Variants in AFG1L observed in about 807,000 individuals in gnomAD.
AFG1L encodes the protein AFG1-like ATPase.
A neutral mutation model predicts 62.2 loss-of-function variants in AFG1L; 53 were observed. The observed-to-expected ratio is 0.85, with a 90% CI of 0.68 to 1.07. The LOEUF (loss-of-function observed/expected upper bound fraction) is 1.07, where lower values mean the gene tolerates loss of function less well. Ranked by LOEUF, AFG1L falls within the 50% of genes least tolerant of loss-of-function variation. AFG1L has a pLI of 0.00. For synonymous variants in AFG1L, 228 were observed against 210.3 expected (o/e 1.08, Z -0.73); for missense variants, 555 against 590.5 (o/e 0.94, Z 0.62).
At chr6:108,518,616 G>A (rs558462790) in intron 11 of AFG1L, among the ~76,000 whole-genome samples, 31 of 152,062 alleles carry the variant, frequency 2.0e-4, no homozygotes, top group Admixed American at 1.5e-3. Flanking sequence ...AAACCTGCAC[G>A]TTGTGCACAT....
chr6:108,402,263 G>A (rs1390047309), intron 7 of AFG1L, among the ~76,000 whole-genome samples: 4 of 151,996 alleles, frequency 2.6e-5, no homozygotes, highest in African/African-American at 9.7e-5. Flanking sequence ...AGGAGTTCAA[G>A]ACCAACCTGA....
chr6:108,489,391 G>A (rs1015653697), intron 10 of AFG1L, among the ~76,000 whole-genome samples: 1 of 152,236 alleles, frequency 6.6e-6, no homozygotes, highest in African/African-American at 2.4e-5. Context: ...GCATCATGGA[G>A]GAGACAGAGT....
At chr6:108,495,643 C>A (rs973625193) in intron 10 of AFG1L, among the ~76,000 whole-genome samples, 2 of 152,174 alleles carry the variant, frequency 1.3e-5, no homozygotes, top group Admixed American at 1.3e-4. Context: ...AGACAGCAAG[C>A]AAGCTCTTTA....
intron 7 of AFG1L, among the ~76,000 whole-genome samples, chr6:108,421,503 A>G (rs1770587319): frequency 1.3e-5 from 2 of 152,110 alleles, no homozygotes; most frequent in African/African-American, 4.8e-5. Flanking sequence ...TAAATTTTGA[A>G]GAAAAAAACC....
intron 10 of AFG1L, among the ~76,000 whole-genome samples, chr6:108,482,973 A>T (rs938589408): frequency 1.3e-5 from 2 of 152,036 alleles, no homozygotes; most frequent in African/African-American, 4.8e-5. Flanking sequence ...TTGAGTTTTC[A>T]TGTAGCATCA....
intron 1 of AFG1L, among the ~76,000 whole-genome samples, chr6:108,311,994 A>C (rs1336748735): frequency 6.6e-6 from 1 of 152,018 alleles, no homozygotes; most frequent in Non-Finnish European, 1.5e-5. Context: ...CCTCCCGAGT[A>C]GCTGGGATTA....
chr6:108,442,189 CT>C (rs554023221), intron 7 of AFG1L, among the ~76,000 whole-genome samples: 583 of 142,744 alleles, frequency 4.1e-3, no homozygotes, highest in African/African-American at 8.4e-3. Flanking sequence ...TTTCCTTCTT[CT>C]TTTTTTTTTT....
At chr6:108,456,708 A>G (rs1009771726) in intron 8 of AFG1L, among the ~76,000 whole-genome samples, 1 of 152,156 alleles carries the variant, frequency 6.6e-6, no homozygotes, top group Non-Finnish European at 1.5e-5. Context: ...TACATCTCAT[A>G]TAAATGGAAT....
Position 108,345,914 on chromosome 6 carries a change from A to G in AFG1L, c.364-1074A>G, listed in dbSNP as rs1469862619. 3.9e-5 allele frequency among the ~76,000 whole-genome samples: 6 copies of G among 152,220 alleles called. No homozygotes were observed. The East Asian group carries it at 9.7e-4, about 25-fold the overall frequency. ...AGTGCCTTCTGGCCTTTTTATCTGG[A>G]GATCATTCAGTTTCTCCAGAAAAAT... is the stretch of plus-strand genomic sequence containing the variant. On this transcript the variant is annotated intron_variant, in intron 2 of 12. Transcript: ENST00000368977.
At chr6:108,421,376 GA>G (rs535258980) in intron 7 of AFG1L, among the ~76,000 whole-genome samples, 2 of 152,132 alleles carry the variant, frequency 1.3e-5, no homozygotes, top group Non-Finnish European at 2.9e-5. Flanking sequence ...AGGGCAAAGG[GA>G]GGTTGTGAGA....
At chr6:108,454,389 G>A (rs1257921400) in intron 8 of AFG1L, among the ~76,000 whole-genome samples, 1 of 152,072 alleles carries the variant, frequency 6.6e-6, no homozygotes, top group Non-Finnish European at 1.5e-5. Flanking sequence ...GGCCTTTGAG[G>A]GCCCATTAGG....
chr6:108,517,102 C>A (rs1305559935), intron 11 of AFG1L, among the ~76,000 whole-genome samples: 1 of 152,064 alleles, frequency 6.6e-6, no homozygotes, highest in African/African-American at 2.4e-5. Flanking sequence ...AATTCAATGC[C>A]ATCCCCATCA....
intron 7 of AFG1L, among the ~76,000 whole-genome samples, chr6:108,446,663 C>T (rs183888564): frequency 2.0e-5 from 3 of 152,098 alleles, no homozygotes; most frequent in Non-Finnish European, 4.4e-5. Context: ...TGCCACCACG[C>T]CCAGCTAATT....
intron 1 of AFG1L, among the ~76,000 whole-genome samples, chr6:108,307,026 G>A (rs1329881710): frequency 2.0e-5 from 3 of 148,318 alleles, no homozygotes; most frequent in Non-Finnish European, 4.5e-5. Flanking sequence ...TTTTTTTTGA[G>A]TTTTTGAGAT....
chr6:108,352,569 T>G (rs549782122), intron 3 of AFG1L, among the ~76,000 whole-genome samples: 34 of 152,272 alleles, frequency 2.2e-4, no homozygotes, highest in South Asian at 1.0e-3. Flanking sequence ...TGATGATGAT[T>G]ATTATTATTT....
chr6:108,495,913 C>T (rs1309750927), intron 10 of AFG1L, among the ~76,000 whole-genome samples: 1 of 152,132 alleles, frequency 6.6e-6, no homozygotes, highest in Non-Finnish European at 1.5e-5. Flanking sequence ...TTTAATTGCT[C>T]AGGTGGAAAG....
intron 6 of AFG1L, among the ~76,000 whole-genome samples, chr6:108,369,095 A>G (rs1278704435): frequency 6.6e-6 from 1 of 152,154 alleles, no homozygotes; most frequent in Non-Finnish European, 1.5e-5. Flanking sequence ...TGAAGATGAC[A>G]TGTATATGTG....
chr6:108,511,089 CAAAA>C (rs532017667), intron 11 of AFG1L, among the ~76,000 whole-genome samples: 8 of 74,040 alleles, frequency 1.1e-4, no homozygotes, highest in Non-Finnish European at 1.6e-4. Flanking sequence ...CCCTATCTCT[CAAAA>C]AAAAAAAAAA....
At chr6:108,488,750 C>T (rs1021493890) in intron 10 of AFG1L, among the ~76,000 whole-genome samples, 2 of 151,922 alleles carry the variant, frequency 1.3e-5, no homozygotes, top group Non-Finnish European at 2.9e-5. Flanking sequence ...CATCTATAAT[C>T]TCAGCTACTC....
Sources: gnomAD v4.1 joint callset for allele counts (sites outside exome capture counted in the v4.1 genomes callset) on GRCh38, gnomAD v4.1.1 for gene constraint, MANE v1.5 for transcripts, NCBI Gene and HGNC (gene_info 2026-07-23, HGNC 2026-07-21) for gene names.